ABCB5: variants seen among roughly 807,000 people sequenced by gnomAD.
ABCB5 encodes ATP-binding cassette sub-family B member 5.
ABCB5 carries 155 observed loss-of-function variants against 144.2 expected under a neutral mutation model. The ratio of observed to expected loss-of-function variants is 1.08; its 90% CI spans 0.94 to 1.23. The LOEUF (loss-of-function observed/expected upper bound fraction) is 1.23. Ranked by LOEUF, ABCB5 falls within the 50% of genes most tolerant of loss-of-function variation. The probability of loss-of-function intolerance (pLI) is 0.00; values close to 1 mark genes in which losing one functional copy is unlikely to be tolerated. For synonymous variants in ABCB5, 610 were observed against 528.6 expected, an observed-to-expected ratio of 1.15 and a Z score of -2.11; for missense variants, 1,830 against 1,520.8, an observed-to-expected ratio of 1.20 and a Z score of -3.38.
chr7:20,739,221 A>AG (rs11380694), intron 24 of ABCB5, 82 bp downstream of exon 24: 827,232 of 1,383,026 alleles, frequency 0.6, 250,484 homozygotes, highest in East Asian at 0.76. Context: ...GGAGGGAGAG[A>AG]GGGGCAAGGG....
chr7:20,654,567 A>T (rs188879767), intron 13 of ABCB5, among the ~76,000 whole-genome samples: 1 of 152,216 alleles, frequency 6.6e-6, no homozygotes, highest in Non-Finnish European at 1.5e-5. Flanking sequence ...CACACGCAAC[A>T]TTCTCTAAAA....
At chr7:20,665,770 TACATAC>T in intron 14 of ABCB5, among the ~76,000 whole-genome samples, 2 of 124,492 alleles carry the variant, frequency 1.6e-5, no homozygotes, top group East Asian at 2.2e-4. Flanking sequence ...TAGATAGAGA[TACATAC>T]ATACATACAT....
chr7:20,677,873 T>A (rs534144480), intron 14 of ABCB5, among the ~76,000 whole-genome samples: 1 of 152,322 alleles, frequency 6.6e-6, no homozygotes, highest in Non-Finnish European at 1.5e-5. Flanking sequence ...TTTACCTCTG[T>A]CAATGATCAA....
chr7:20,664,497 G>A (rs1394545733), intron 14 of ABCB5, among the ~76,000 whole-genome samples: 1 of 152,126 alleles, frequency 6.6e-6, no homozygotes, highest in African/African-American at 2.4e-5. Context: ...ATATGGATAA[G>A]CATCTTGGTG....
At chr7:20,693,373 AG>A (rs1786298778) in intron 16 of ABCB5, among the ~76,000 whole-genome samples, 1 of 152,144 alleles carries the variant, frequency 6.6e-6, no homozygotes, top group African/African-American at 2.4e-5. Flanking sequence ...CTCAAAAAAA[AG>A]AAAAAAAATC....
chr7:20,664,514 G>A (rs916739), intron 14 of ABCB5, among the ~76,000 whole-genome samples: 33,486 of 152,030 alleles, frequency 0.22, 4,102 homozygotes, highest in African/African-American at 0.33. Flanking sequence ...GGTGATTTTT[G>A]TAAATTAAAA....
At chr7:20,679,903 C>A (rs1785734266) in intron 14 of ABCB5, among the ~76,000 whole-genome samples, 1 of 152,086 alleles carries the variant, frequency 6.6e-6, no homozygotes, top group Non-Finnish European at 1.5e-5. Flanking sequence ...CTCAGCAATT[C>A]CTCTCCTAGG....
At chr7:20,702,828 AT>A (rs5882755) in intron 19 of ABCB5, among the ~76,000 whole-genome samples, 54,905 of 114,126 alleles carry the variant, frequency 0.48, 10,713 homozygotes, top group East Asian at 0.71. Flanking sequence ...CGCCTGGCTA[AT>A]TTTTTTTTTT....
intron 22 of ABCB5, among the ~76,000 whole-genome samples, chr7:20,727,968 G>A (rs1168679577): frequency 2.6e-5 from 4 of 152,176 alleles, no homozygotes; most frequent in South Asian, 4.1e-4. Context: ...AGATTGTAAT[G>A]GAGACTTAGA....
At chr7:20,691,257 T>A (rs1786218750) in intron 16 of ABCB5, among the ~76,000 whole-genome samples, 1 of 131,406 alleles carries the variant, frequency 7.6e-6, no homozygotes, top group African/African-American at 2.8e-5. Context: ...CAGTCTCGGC[T>A]CACCGCAAAC....
intron 2 of ABCB5, 87 bp downstream of exon 2, chr7:20,623,425 A>T (rs562540929): frequency 5.3e-6 from 6 of 1,138,314 alleles, no homozygotes; most frequent in African/African-American, 4.8e-5. Context: ...AATGTTTATA[A>T]TTTTTTCCCA....
rs1234810873 is a variant in ABCB5 at position 20,698,425 on chromosome 7, T to C, written c.2029T>C (p.Ser677Pro). The C allele has an allele frequency of 1.9e-6, 3 of 1,578,716 alleles. No homozygotes were observed. In the African/African-American group the frequency reaches 4.1e-5, roughly 22 times the overall value. The change falls in exon 17 of 28, where the codon TCT becomes CCT. Residue 677 changes from serine to proline, a missense_variant. Transcript: ENST00000404938. ...QSKEISLPEV[S>P]LLKILKLNKP... The stretch of plus-strand genomic sequence containing the variant: ...TTTTTAGATAAGTCTTCCTGAAGTC[T>C]CTCTATTAAAAATTTTAAAGTTAAA...
In ABCB5 at chr7:20,685,691, G is replaced by T. The variant is rs1463081082; in HGVS notation, c.1870-5G>T. ...TAATGATAACCTATATATTCTTCCTGTAAGGATATTAAAAAAGCTGATGAA... is the reference window on the plus strand; with the variant it reads ...TAATGATAACCTATATATTCTTCCTTTAAGGATATTAAAAAAGCTGATGAA... On this transcript the variant is annotated splice_region_variant and splice_polypyrimidine_tract_variant and intron_variant, in intron 15 of 27. Transcript: ENST00000404938. 1 of 1,597,544 alleles carries T rather than the reference G, an allele frequency of 6.3e-7. No individual in the cohort carries two copies. Among genetic ancestry groups the T allele is most frequent in the Non-Finnish European group, 8.5e-7 (1 of 1,172,750 alleles).
chr7:20,635,419 G>A (rs1204787644), intron 5 of ABCB5, among the ~76,000 whole-genome samples: 1 of 150,212 alleles, frequency 6.7e-6, no homozygotes, highest in Non-Finnish European at 1.5e-5. Flanking sequence ...ATGAATTTTA[G>A]GACTGTCTTT....
At position 20,645,868 on chromosome 7, in the gene ABCB5, A is replaced by G. The variant is rs751485471; in HGVS notation, c.791A>G (p.Lys264Arg). 1 of 1,613,694 alleles carries G rather than the reference A, an allele frequency of 6.2e-7. No individual in the cohort carries two copies. The highest frequency in any genetic ancestry group is 8.5e-7 in the Non-Finnish European group (1 of 1,179,742). The change falls in exon 8 of 28, where the codon AAA (lysine) becomes AGA (arginine). Residue 264 changes from lysine (K) to arginine (R), a missense_variant. Lys to Arg is a conservative substitution (Grantham distance 26). Transcript: ENST00000404938. ...RTVIAFRAQE[K>R]ELQRYTQNLK... ...GTCATAGCCTTTAGGGCCCAGGAGA[A>G]AGAACTTCAAAGGTCTTTCCTTTTA... is the stretch of plus-strand genomic sequence containing the variant.
rs1452169129 is a variant in ABCB5, at chr7:20,632,114, G to T, written c.314+1G>T. On this transcript the variant is annotated splice_donor_variant, in intron 5 of 27. Coordinates refer to ENST00000404938, the MANE Select transcript of ABCB5 (RefSeq NM_001163941.2). LOFTEE classifies it high-confidence loss of function. ...AGAAGCTGAATGAAGATATGACTCT[G>T]TAAGTCCAAATGAAACGTTAATATC... 1 of 1,509,848 alleles carries T rather than the reference G, an allele frequency of 6.6e-7. No individual in the cohort carries two copies. The allele number at this position is 1,509,848 out of a possible 1,614,324, so 93.5% of individuals were successfully genotyped here. A position where few individuals can be genotyped will look rare whatever the true frequency, so the allele number is the denominator to read the frequency against.
chr7:20,635,898 G>A (rs906662376), intron 5 of ABCB5, among the ~76,000 whole-genome samples: 6 of 151,952 alleles, frequency 3.9e-5, no homozygotes, highest in African/African-American at 1.2e-4. Context: ...ATTTCTTTCT[G>A]TTGCTTGATT....
At chr7:20,709,799 G>C (rs1786950195) in intron 20 of ABCB5, among the ~76,000 whole-genome samples, 1 of 149,802 alleles carries the variant, frequency 6.7e-6, no homozygotes, top group African/African-American at 2.5e-5. Flanking sequence ...GTTAAGATAA[G>C]GCTGGGCAAG....
At chr7:20,675,189 C>T (rs974747114) in intron 14 of ABCB5, among the ~76,000 whole-genome samples, 2 of 151,880 alleles carry the variant, frequency 1.3e-5, no homozygotes, top group Non-Finnish European at 2.9e-5. Context: ...ATATCCAAAT[C>T]AATCTTGAGA....
Sources: allele counts gnomAD v4.1 joint callset (sites outside exome capture counted in the v4.1 genomes callset), GRCh38; gene constraint gnomAD v4.1.1; transcripts MANE v1.5; gene names NCBI Gene and HGNC (gene_info 2026-07-23, HGNC 2026-07-21).